Variants in MYO3B observed in about 807,000 individuals in gnomAD.
MYO3B encodes myosin-IIIb.
Under a neutral mutation model 174.6 loss-of-function variants are expected in MYO3B, and 156 were observed. That is an observed-to-expected ratio of 0.89 (90% CI 0.78 to 1.02). The LOEUF is 1.02. Among genes scored for constraint, MYO3B ranks in the 50% least tolerant of loss-of-function variants. MYO3B has a pLI of 0.00. For missense variants in MYO3B, 1,632 were observed against 1,639.4 expected (o/e 1.00, Z 0.08); for synonymous variants, 563 against 569.1 (o/e 0.99, Z 0.15).
intron 9 of MYO3B, among the ~76,000 whole-genome samples, chr2:170,370,835 A>G (rs2105690361): frequency 6.6e-6 from 1 of 151,998 alleles, no homozygotes; most frequent in South Asian, 2.1e-4. Context: ...TCATTTGCCA[A>G]GCTATCTGGA....
At chr2:170,607,921 C>T (rs1415886703) in intron 32 of MYO3B, among the ~76,000 whole-genome samples, 1 of 152,096 alleles carries the variant, frequency 6.6e-6, no homozygotes, top group African/African-American at 2.4e-5. Flanking sequence ...CTCTGCTTTG[C>T]TTGTTGATTT....
chr2:170,609,227 C>A (rs1218706005), intron 32 of MYO3B, among the ~76,000 whole-genome samples: 1 of 152,180 alleles, frequency 6.6e-6, no homozygotes, highest in Non-Finnish European at 1.5e-5. Flanking sequence ...ATTATACTGG[C>A]ATACTTAGCT....
chr2:170,558,017 G>A (rs1691444865), intron 32 of MYO3B, among the ~76,000 whole-genome samples: 1 of 149,832 alleles, frequency 6.7e-6, no homozygotes, highest in Non-Finnish European at 1.5e-5. Context: ...TTCTTAAAAC[G>A]GAGGCCAGAC....
At chr2:170,624,486 A>C (rs1696225820) in intron 32 of MYO3B, among the ~76,000 whole-genome samples, 1 of 152,218 alleles carries the variant, frequency 6.6e-6, no homozygotes, top group Non-Finnish European at 1.5e-5. Context: ...GGGACTTTCT[A>C]GATATACAAT....
At chr2:170,425,862 C>T (rs1007083961) in intron 22 of MYO3B, among the ~76,000 whole-genome samples, 4 of 152,180 alleles carry the variant, frequency 2.6e-5, no homozygotes, top group South Asian at 4.1e-4. Context: ...CTTGAATACT[C>T]GGCCTCAGTT....
At chr2:170,618,183 G>A (rs558527390) in intron 32 of MYO3B, among the ~76,000 whole-genome samples, 36 of 152,154 alleles carry the variant, frequency 2.4e-4, no homozygotes, top group Non-Finnish European at 4.6e-4. Context: ...GCAGGACAAC[G>A]ATCATCTAGA....
At chr2:170,460,942 T>C (rs1684246263) in intron 23 of MYO3B, among the ~76,000 whole-genome samples, 1 of 152,228 alleles carries the variant, frequency 6.6e-6, no homozygotes, top group Non-Finnish European at 1.5e-5. Flanking sequence ...TTAATACACA[T>C]CAAGGATTTT....
chr2:170,625,959 G>A (rs1393281571), intron 32 of MYO3B, among the ~76,000 whole-genome samples: 1 of 152,116 alleles, frequency 6.6e-6, no homozygotes, highest in African/African-American at 2.4e-5. Context: ...CTGCTGAGGA[G>A]TGCTTTACTT....
intron 3 of MYO3B, among the ~76,000 whole-genome samples, chr2:170,209,716 CTCT>C (rs2092751296): frequency 6.6e-6 from 1 of 152,224 alleles, no homozygotes; most frequent in African/African-American, 2.4e-5. Flanking sequence ...TTGGTTATCT[CTCT>C]TCTTCTCAAA....
chr2:170,314,658 C>T (rs1256294229), intron 7 of MYO3B, among the ~76,000 whole-genome samples: 1 of 152,096 alleles, frequency 6.6e-6, no homozygotes, highest in Non-Finnish European at 1.5e-5. Context: ...AATGAATGAT[C>T]AAATAAAGAA....
At chr2:170,569,380 C>G (rs1035996923) in intron 32 of MYO3B, among the ~76,000 whole-genome samples, 1 of 152,096 alleles carries the variant, frequency 6.6e-6, no homozygotes, top group African/African-American at 2.4e-5. Flanking sequence ...CCCACTTAGT[C>G]AGTAACAGCC....
At chr2:170,428,927 C>A (rs574079506) in intron 22 of MYO3B, among the ~76,000 whole-genome samples, 8 of 152,320 alleles carry the variant, frequency 5.3e-5, no homozygotes, top group African/African-American at 1.9e-4. Flanking sequence ...TTCTCACTTT[C>A]CAGTGTCCTT....
chr2:170,389,145 C>T (rs2094395791), intron 14 of MYO3B, among the ~76,000 whole-genome samples: 1 of 152,186 alleles, frequency 6.6e-6, no homozygotes, highest in African/African-American at 2.4e-5. Flanking sequence ...TCATATGCAA[C>T]ATGGGCATAA....
chr2:170,507,790 T>G (rs1346537308), intron 28 of MYO3B, among the ~76,000 whole-genome samples: 1 of 152,134 alleles, frequency 6.6e-6, no homozygotes, highest in Admixed American at 6.6e-5. Context: ...ACATACCTTG[T>G]CTGTGACAAG....
At chr2:170,427,110 C>G (rs949331519) in intron 22 of MYO3B, among the ~76,000 whole-genome samples, 1 of 152,060 alleles carries the variant, frequency 6.6e-6, no homozygotes, top group Non-Finnish European at 1.5e-5. Flanking sequence ...AAGATTAATA[C>G]TAATATAAGA....
intron 32 of MYO3B, among the ~76,000 whole-genome samples, chr2:170,611,517 T>G (rs1695127086): frequency 6.6e-6 from 1 of 152,118 alleles, no homozygotes; most frequent in Non-Finnish European, 1.5e-5. Flanking sequence ...GTGGGGACAG[T>G]GGGGACAGTG....
chr2:170,577,492 C>T (rs935788955), intron 32 of MYO3B, among the ~76,000 whole-genome samples: 1 of 152,138 alleles, frequency 6.6e-6, no homozygotes, highest in Non-Finnish European at 1.5e-5. Flanking sequence ...TTTAAATTTT[C>T]CTTTGCTACC....
At chr2:170,321,734 A>C (rs2093827872) in intron 7 of MYO3B, among the ~76,000 whole-genome samples, 1 of 152,156 alleles carries the variant, frequency 6.6e-6, no homozygotes, top group African/African-American at 2.4e-5. Flanking sequence ...TTTATTTTTC[A>C]TCTTAATTAA....
intron 9 of MYO3B, among the ~76,000 whole-genome samples, chr2:170,375,222 T>C (rs974409359): frequency 7.2e-5 from 11 of 152,200 alleles, no homozygotes; most frequent in Non-Finnish European, 1.6e-4. Flanking sequence ...TGGTATGTCA[T>C]CTCACTGTTA....
Sources: allele counts gnomAD v4.1 joint callset (sites outside exome capture counted in the v4.1 genomes callset), GRCh38; gene constraint gnomAD v4.1.1; transcripts MANE v1.5; gene names NCBI Gene and HGNC (gene_info 2026-07-23, HGNC 2026-07-21).